The following KCTD1 variants were observed in gnomAD, a reference collection of about 807,000 sequenced individuals.
KCTD1 encodes the protein BTB/POZ domain-containing protein KCTD1.
Under a neutral mutation model 66.0 loss-of-function variants are expected in KCTD1, and 24 were observed. The ratio of observed to expected loss-of-function variants is 0.36; its 90% CI spans 0.26 to 0.51. KCTD1 has a LOEUF of 0.51. KCTD1 is among the 20% of genes least tolerant of loss of function. The pLI is 0.95. For missense variants in KCTD1, 943 were observed against 1,205.2 expected (o/e 0.78, Z 3.22); for synonymous variants, 511 against 517.2 (o/e 0.99, Z 0.16).
intron 1 of KCTD1, among the ~76,000 whole-genome samples, chr18:26,638,850 T>C (rs1214537846): frequency 6.6e-6 from 1 of 152,258 alleles, no homozygotes; most frequent in Non-Finnish European, 1.5e-5. Flanking sequence ...CTAAAAATGT[T>C]GCTTTTATCA....
chr18:26,511,495 G>A (rs183033832), intron 1 of KCTD1, among the ~76,000 whole-genome samples: 4 of 152,266 alleles, frequency 2.6e-5, no homozygotes, highest in Admixed American at 2.0e-4. Context: ...CCCTGCACAC[G>A]CTGTTGTGGG....
In KCTD1 at chr18:26,476,713, T is replaced by G; in HGVS notation, c.1989-54A>C. 2.6e-6 allele frequency: 4 copies of G among 1,530,716 alleles called. No individual in the cohort carries two copies. In the South Asian group the frequency reaches 4.6e-5, roughly 18 times the overall value. 94.8% of individuals were successfully genotyped at this position (1,530,716 alleles called of 1,614,324 possible). ...ACAATTAGATCAATTGTTCGGGCAC[T>G]AGGACTAAGAGGTGTCTTTTATCAC... On this transcript the variant is annotated intron_variant, in intron 2 of 4. Coordinates refer to ENST00000580059, the MANE Select transcript of KCTD1 (RefSeq NM_001142730.3). This position sits in a 1 kb window ranked among gnomAD's most constrained non-coding sequence, Gnocchi z 4.9.
intron 1 of KCTD1, among the ~76,000 whole-genome samples, chr18:26,637,766 G>T (rs1987754262): frequency 6.6e-6 from 1 of 152,232 alleles, no homozygotes; most frequent in Non-Finnish European, 1.5e-5. Flanking sequence ...ACTGACCTGG[G>T]CTGGAATCTC....
At chr18:26,510,499 T>C (rs1019216481) in intron 1 of KCTD1, among the ~76,000 whole-genome samples, 6 of 152,240 alleles carry the variant, frequency 3.9e-5, no homozygotes, top group African/African-American at 1.2e-4. Context: ...GTTACTGCTG[T>C]TTATCTATTT....
chr18:26,499,653 C>T (rs1278701923), intron 2 of KCTD1, among the ~76,000 whole-genome samples: 1 of 152,170 alleles, frequency 6.6e-6, no homozygotes, highest in Non-Finnish European at 1.5e-5. Context: ...AAAAAGTCGG[C>T]CTTCATGTAG....
At chr18:26,465,643 C>A (rs931157303) in intron 3 of KCTD1, among the ~76,000 whole-genome samples, 11 of 152,230 alleles carry the variant, frequency 7.2e-5, no homozygotes, top group Non-Finnish European at 1.5e-4. Context: ...CAGACAGAAG[C>A]ACACACAGGT....
At chr18:26,615,991 A>G (rs1386687002) in intron 1 of KCTD1, among the ~76,000 whole-genome samples, 1 of 152,068 alleles carries the variant, frequency 6.6e-6, no homozygotes, top group East Asian at 1.9e-4. Flanking sequence ...GGGTTTCACC[A>G]TGTTGGCCAG....
intron 1 of KCTD1, among the ~76,000 whole-genome samples, chr18:26,593,402 AGAT>A (rs1337158299): frequency 5.2e-4 from 44 of 85,348 alleles, no homozygotes; most frequent in South Asian, 2.6e-3. Flanking sequence ...AGGAGGAGGA[AGAT>A]GAGGAGGAGA....
upstream of KCTD1, among the ~76,000 whole-genome samples, chr18:26,643,780 A>G (rs2339194): frequency 0.056 from 8,570 of 152,182 alleles, 678 homozygotes; most frequent in African/African-American, 0.17. Context: ...GGCTAACACG[A>G]TGAAACCCTG....
At chr18:26,546,666 C>T in intron 1 of KCTD1, 62 bp downstream of exon 1, 2 of 1,485,160 alleles carry the variant, frequency 1.3e-6, no homozygotes, top group Non-Finnish European at 1.8e-6. Flanking sequence ...TGCATTAGCA[C>T]AAAAGTTAGT....
intron 1 of KCTD1, among the ~76,000 whole-genome samples, chr18:26,527,568 C>G (rs1314116881): frequency 6.6e-6 from 1 of 151,366 alleles, no homozygotes; most frequent in Non-Finnish European, 1.5e-5. Context: ...CTATACGATA[C>G]CATAATGGCA....
At chr18:26,651,799 A>AAAAGAAGAAG (rs764181233) in intron 1 of KCTD1, among the ~76,000 whole-genome samples, 80 of 117,142 alleles carry the variant, frequency 6.8e-4, no homozygotes, top group South Asian at 1.3e-3. Context: ...AAAAAAAAAA[A>AAAAGAAGAAG]AAGAAGAAGA....
chr18:26,599,158 A>G (rs1986834177), intron 1 of KCTD1, among the ~76,000 whole-genome samples: 1 of 152,070 alleles, frequency 6.6e-6, no homozygotes, highest in Non-Finnish European at 1.5e-5. Flanking sequence ...CTTTTTTTGT[A>G]TGTGATAATT....
At chr18:26,471,405 T>A (rs1456658441) in intron 3 of KCTD1, among the ~76,000 whole-genome samples, 1 of 151,972 alleles carries the variant, frequency 6.6e-6, no homozygotes, top group African/African-American at 2.4e-5. Context: ...GGGACCTCAG[T>A]AAGACTTCCG....
intron 1 of KCTD1, among the ~76,000 whole-genome samples, chr18:26,618,853 C>T (rs1835884910): frequency 6.6e-6 from 1 of 152,198 alleles, no homozygotes; most frequent in African/African-American, 2.4e-5. Flanking sequence ...AGATGAACTG[C>T]ATTTATGGTT....
In KCTD1 at chr18:26,564,681, GGAGTTCAA is replaced by G. The variant is rs567979716; in HGVS notation, c.-15-63439_-15-63432del. 1.5e-3 allele frequency among the ~76,000 whole-genome samples: 223 copies of G among 152,244 alleles called. 1 individual carries two copies. The highest frequency in any genetic ancestry group is 2.6e-3 in the Non-Finnish European group (180 of 67,996). On this transcript the variant is annotated intron_variant, in intron 1 of 4. Transcript: ENST00000317932. ...GAGGTGAGTGGATCACCTGAGGTCA[GGAGTTCAA>G]GACCAGCCTGATCGACATGGTGAAA...
intron 2 of KCTD1, among the ~76,000 whole-genome samples, chr18:26,486,895 C>A (rs886641574): frequency 3.9e-5 from 6 of 152,208 alleles, no homozygotes; most frequent in African/African-American, 1.2e-4. Context: ...GTATTTAAAT[C>A]TTTTGCTTTT....
chr18:26,638,419 C>T (rs1284533574), intron 1 of KCTD1, among the ~76,000 whole-genome samples: 1 of 152,208 alleles, frequency 6.6e-6, no homozygotes, highest in East Asian at 1.9e-4. Flanking sequence ...TTTTTAACCT[C>T]AGCATTTCTG....
At chr18:26,591,871 C>T (rs1368605333) in intron 1 of KCTD1, among the ~76,000 whole-genome samples, 1 of 152,184 alleles carries the variant, frequency 6.6e-6, no homozygotes, top group East Asian at 1.9e-4. Context: ...GACTGTTAGA[C>T]ATGGAAGCAT....
Sources: allele counts gnomAD v4.1 joint callset (sites outside exome capture counted in the v4.1 genomes callset), GRCh38; gene constraint gnomAD v4.1.1; non-coding constraint Gnocchi (gnomAD v3.1); transcripts MANE v1.5; gene names NCBI Gene and HGNC (gene_info 2026-07-23, HGNC 2026-07-21).